Variants in HS6ST3 observed in about 807,000 individuals in gnomAD.
HS6ST3 encodes the protein heparan sulfate 6-O-sulfotransferase 3, also known as heparan-sulfate 6-O-sulfotransferase 3.
A neutral mutation model predicts 36.7 loss-of-function variants in HS6ST3; 12 were observed. The observed-to-expected ratio is 0.33, with a 90% CI of 0.21 to 0.53. The LOEUF is 0.53. Ranked by LOEUF, HS6ST3 falls within the 20% of genes least tolerant of loss-of-function variation. The pLI is 0.95. For missense variants in HS6ST3, 584 were observed against 640.9 expected (o/e 0.91, Z 0.96); for synonymous variants, 240 against 257.5 (o/e 0.93, Z 0.65).
At chr13:96,548,219 C>G (rs2056204825) in intron 1 of HS6ST3, among the ~76,000 whole-genome samples, 1 of 152,064 alleles carries the variant, frequency 6.6e-6, no homozygotes, top group Non-Finnish European at 1.5e-5. Context: ...CACATGATGA[C>G]CAAACCTGGA....
At chr13:96,628,100 C>T (rs368352735) in intron 1 of HS6ST3, among the ~76,000 whole-genome samples, 9 of 151,654 alleles carry the variant, frequency 5.9e-5, no homozygotes, top group South Asian at 2.1e-4. Context: ...TTAAGTTTGA[C>T]GCTTAATTGA....
At chr13:96,403,290 A>G (rs2055460827) in intron 1 of HS6ST3, among the ~76,000 whole-genome samples, 1 of 152,178 alleles carries the variant, frequency 6.6e-6, no homozygotes, top group African/African-American at 2.4e-5. Flanking sequence ...GAAGTTATTT[A>G]TGTATGTACA....
intron 1 of HS6ST3, among the ~76,000 whole-genome samples, chr13:96,156,302 A>G (rs191457144): frequency 2.9e-4 from 44 of 152,258 alleles, no homozygotes; most frequent in African/African-American, 1.0e-3. Flanking sequence ...CATCGGTGCT[A>G]TACTGTGGCA....
intron 1 of HS6ST3, among the ~76,000 whole-genome samples, chr13:96,768,856 A>G (rs1877187610): frequency 6.6e-6 from 1 of 152,006 alleles, no homozygotes; most frequent in Non-Finnish European, 1.5e-5. Context: ...CTCTAAACCC[A>G]TACTTCAGAA....
At chr13:96,612,528 A>G (rs2056460315) in intron 1 of HS6ST3, among the ~76,000 whole-genome samples, 1 of 152,064 alleles carries the variant, frequency 6.6e-6, no homozygotes, top group African/African-American at 2.4e-5. Flanking sequence ...CCAGACTCAT[A>G]TATCCAACTG....
chr13:96,508,155 T>A (rs1253395313), intron 1 of HS6ST3, among the ~76,000 whole-genome samples: 1 of 152,100 alleles, frequency 6.6e-6, no homozygotes, highest in Non-Finnish European at 1.5e-5. Flanking sequence ...TATGTTGTCA[T>A]AGCTTATAAC....
intron 1 of HS6ST3, among the ~76,000 whole-genome samples, chr13:96,143,332 GCTGATTAT>G (rs1186085111): frequency 6.6e-6 from 1 of 150,772 alleles, no homozygotes; most frequent in East Asian, 1.9e-4. Context: ...TTGTATTTAG[GCTGATTAT>G]CTGATATATA....
At position 96,699,119 on chromosome 13, in the gene HS6ST3, AT is replaced by A. The variant is rs766089622; in HGVS notation, c.708-133370del. ...TTAATTCAAGCTGGATTAAAGACTTATATGTTAGACCTAAAACCATAAAAAC... is the reference window on the plus strand; with the variant it reads ...TTAATTCAAGCTGGATTAAAGACTTAATGTTAGACCTAAAACCATAAAAAC... On this transcript the variant is annotated intron_variant, in intron 1 of 1. Transcript: ENST00000376705. Among the ~76,000 whole-genome samples the A allele has an allele frequency of 6.3e-4, 96 of 152,350 alleles. 1 individual carries two copies. The Middle Eastern group carries it at 0.01, about 16-fold the overall frequency.
chr13:96,594,594 C>G (rs144848732), intron 1 of HS6ST3, among the ~76,000 whole-genome samples: 339 of 152,288 alleles, frequency 2.2e-3, no homozygotes, highest in African/African-American at 7.9e-3. Flanking sequence ...CGTGTACACA[C>G]ACATAAGATA....
At chr13:96,570,431 C>T (rs1052899380) in intron 1 of HS6ST3, among the ~76,000 whole-genome samples, 6 of 152,142 alleles carry the variant, frequency 3.9e-5, no homozygotes, top group African/African-American at 7.2e-5. Flanking sequence ...CAGATTAATG[C>T]GACATTGAAA....
intron 1 of HS6ST3, among the ~76,000 whole-genome samples, chr13:96,355,419 A>ACG (rs1344822507): frequency 0.01 from 1,583 of 151,284 alleles, 15 homozygotes; most frequent in Non-Finnish European, 0.019. Context: ...ACAAACACAC[A>ACG]CACACAGAGG....
chr13:96,293,875 G>A (rs866442372), intron 1 of HS6ST3, among the ~76,000 whole-genome samples: 1 of 152,112 alleles, frequency 6.6e-6, no homozygotes, highest in African/African-American at 2.4e-5. Flanking sequence ...CCAGATTGAG[G>A]ATTAGGGTGA....
intron 1 of HS6ST3, among the ~76,000 whole-genome samples, chr13:96,331,133 C>T (rs2055064218): frequency 1.3e-5 from 2 of 152,042 alleles, no homozygotes; most frequent in Non-Finnish European, 1.5e-5. Context: ...TTTGAATGTC[C>T]TCCCGTAGCT....
At chr13:96,505,989 T>G (rs2056024614) in intron 1 of HS6ST3, among the ~76,000 whole-genome samples, 1 of 152,180 alleles carries the variant, frequency 6.6e-6, no homozygotes, top group African/African-American at 2.4e-5. Context: ...AGACGCTGCA[T>G]GAAGAATCGA....
At chr13:96,309,062 A>T (rs1364912300) in intron 1 of HS6ST3, among the ~76,000 whole-genome samples, 1 of 152,132 alleles carries the variant, frequency 6.6e-6, no homozygotes, top group East Asian at 1.9e-4. Context: ...TTTGAGATCA[A>T]ATACACACTT....
chr13:96,713,195 G>C (rs557913163), intron 1 of HS6ST3, among the ~76,000 whole-genome samples: 2 of 152,134 alleles, frequency 1.3e-5, no homozygotes, highest in Non-Finnish European at 2.9e-5. Context: ...AAGTTTGTAG[G>C]ACTGCTAGTT....
chr13:96,419,606 A>C (rs926776243), intron 1 of HS6ST3, among the ~76,000 whole-genome samples: 5 of 152,200 alleles, frequency 3.3e-5, no homozygotes, highest in African/African-American at 1.2e-4. Context: ...GGGTGGCCTA[A>C]AACAACAGTT....
intron 1 of HS6ST3, among the ~76,000 whole-genome samples, chr13:96,743,152 G>T (rs1004553501): frequency 7.9e-5 from 12 of 152,082 alleles, no homozygotes; most frequent in African/African-American, 2.9e-4. Context: ...GGATGATCAG[G>T]TTCCGTTTTT....
At chr13:96,227,383 A>G (rs191466191) in intron 1 of HS6ST3, among the ~76,000 whole-genome samples, 17 of 152,308 alleles carry the variant, frequency 1.1e-4, no homozygotes, top group Admixed American at 2.0e-4. Flanking sequence ...TGGCACCTAT[A>G]TGGCCACGGT....
Sources: allele counts gnomAD v4.1 joint callset (sites outside exome capture counted in the v4.1 genomes callset), GRCh38; gene constraint gnomAD v4.1.1; transcripts MANE v1.5; gene names NCBI Gene and HGNC (gene_info 2026-07-23, HGNC 2026-07-21).